PLEKHM2: variants seen among roughly 807,000 people sequenced by gnomAD.
PLEKHM2 encodes pleckstrin homology domain-containing family M member 2.
A neutral mutation model predicts 116.3 loss-of-function variants in PLEKHM2; 77 were observed. The ratio of observed to expected loss-of-function variants is 0.66; its 90% CI spans 0.55 to 0.80. The LOEUF (loss-of-function observed/expected upper bound fraction) is 0.80, where lower values mean the gene tolerates loss of function less well. PLEKHM2 is among the 30% of genes least tolerant of loss of function. The pLI is 0.00. For missense variants in PLEKHM2, 1,183 were observed against 1,354.9 expected (o/e 0.87, Z 1.99); for synonymous variants, 562 against 571.0 (o/e 0.98, Z 0.22).
chr1:15,706,218 A>G (rs940937434), intron 1 of PLEKHM2, among the ~76,000 whole-genome samples: 2 of 152,146 alleles, frequency 1.3e-5, no homozygotes, highest in African/African-American at 4.8e-5. Flanking sequence ...GTGGCTGTGC[A>G]TGATCCGGCC....
chr1:15,729,237 C>T lies in PLEKHM2; in HGVS notation c.2075+47C>T, dbSNP rs6429772. ...CTGGAAGGATTGGAGAGTTCGCAGC[C>T]GCCCATAGGTGTGGGTGGCCTGGGG... On this transcript the variant is annotated intron_variant, in intron 13 of 19. Transcript: ENST00000375799. This position sits in a 1 kb window ranked among gnomAD's most constrained non-coding sequence, Gnocchi z 4.7. The T allele has an allele frequency of 0.24, 364,966 of 1,519,392 alleles. 51,749 individuals are homozygous for T. The highest frequency in any genetic ancestry group is 0.66 in the African/African-American group (47,928 of 72,752). 94.1% of individuals were successfully genotyped at this position (1,519,392 alleles called of 1,614,324 possible). A position where few individuals can be genotyped will look rare whatever the true frequency, so the allele number is the denominator to read the frequency against.
intron 1 of PLEKHM2, among the ~76,000 whole-genome samples, chr1:15,700,741 C>T (rs1641092708): frequency 6.6e-6 from 1 of 152,204 alleles, no homozygotes; most frequent in Non-Finnish European, 1.5e-5. Context: ...CAGCACCCAG[C>T]CTTGTCTTAG....
At position 15,727,611 on chromosome 1, in the gene PLEKHM2, G is replaced by A. The variant is rs768469775; in HGVS notation, c.1539G>A (p.Thr513=). The A allele has an allele frequency of 6.3e-7, 1 of 1,585,518 alleles. No homozygotes were observed. The highest frequency in any genetic ancestry group is 1.1e-5 in the South Asian group (1 of 87,066). The change falls in exon 9 of 20, where the codon ACG becomes ACA. Residue 513 remains threonine (T), a synonymous_variant. Coordinates refer to ENST00000375799, the MANE Select transcript of PLEKHM2 (RefSeq NM_015164.4). This position sits in a 1 kb window ranked among gnomAD's most constrained non-coding sequence, Gnocchi z 7.5. ...EEEGGGGEGQ[T]PRPLEDTTRE... is the part of the protein sequence containing the mutation. ...AGGGAGGAGGAGGAGAGGGACAGAC[G>A]CCTCGGCCCCTAGAGGATACCACGA... is the stretch of plus-strand genomic sequence containing the variant.
rs764517535 is a variant in PLEKHM2, at chr1:15,731,880, C to G, written c.2466-9C>G. 2.9e-5 allele frequency: 46 copies of G among 1,608,598 alleles called. No individual in the cohort carries two copies. The highest frequency in any genetic ancestry group is 3.6e-5 in the Non-Finnish European group (42 of 1,177,784). ...CTCGCTCCCGTTTCACCCTCCTCCT[C>G]TGGCCCAGGGGGGAGCAGTGCGGTG... is the stretch of plus-strand genomic sequence containing the variant. On this transcript the variant is annotated splice_polypyrimidine_tract_variant and intron_variant, in intron 16 of 19. Transcript: ENST00000375799.
chr1:15,684,082 C>T (rs1571009749), upstream of PLEKHM2, among the ~76,000 whole-genome samples: 1 of 127,932 alleles, frequency 7.8e-6, no homozygotes, highest in African/African-American at 3.0e-5. Flanking sequence ...TCTGAGGAGC[C>T]CCGAGGTCCC....
In PLEKHM2 at chr1:15,719,689, G is replaced by A; in HGVS notation, c.466-45G>A. ...ATCCTGCTGTCTGCAGAAGGCCGCT[G>A]CACGAGGCCTCCCACCAAACGGGCC... On this transcript the variant is annotated intron_variant, in intron 5 of 19. Transcript: ENST00000375799. The surrounding 1 kb of genome is among the most constrained non-coding windows in gnomAD (Gnocchi z 4.1). 1 of 1,407,644 alleles carries A rather than the reference G, an allele frequency of 7.1e-7. No individual in the cohort carries two copies. Among genetic ancestry groups the A allele is most frequent in the African/African-American group, 1.4e-5 (1 of 71,028 alleles). The allele number at this position is 1,407,644 out of a possible 1,614,324, so 87.2% of individuals were successfully genotyped here.
Position 15,730,704 on chromosome 1 carries a change from C to T in PLEKHM2, c.2381C>T (p.Thr794Met), listed in dbSNP as rs1038194908. ...TSYLGKEHWK[T>M]CFVVLSNGIL... Reference sequence around the variant, plus strand: ...TACCTGGGCAAGGAACACTGGAAGACGTGCTTCGTGGTGCTCAGGTGGGAG... The same window carrying T: ...TACCTGGGCAAGGAACACTGGAAGATGTGCTTCGTGGTGCTCAGGTGGGAG... The change falls in exon 15 of 20, where the codon ACG (threonine) becomes ATG (methionine). Residue 794 changes from threonine to methionine, a missense_variant. This residue lies in a region of PLEKHM2 where 594 missense variants were observed against 720.1 expected (regional missense o/e 0.82). Transcript: ENST00000375799. 10 of 1,602,272 alleles carry T rather than the reference C, an allele frequency of 6.2e-6. No individual in the cohort carries two copies. The highest frequency in any genetic ancestry group is 1.6e-4 in the Middle Eastern group (1 of 6,070).
At chr1:15,705,607 T>C (rs530472704) in intron 1 of PLEKHM2, among the ~76,000 whole-genome samples, 2 of 152,274 alleles carry the variant, frequency 1.3e-5, no homozygotes, top group African/African-American at 4.8e-5. Context: ...TCCTTTTCCC[T>C]CATGCCCCAC....
Position 15,721,460 on chromosome 1 carries a change from C to A in PLEKHM2, c.712+72C>A. ...TCCATGCCAAGCTTGCTGCATGTATCAAATCAGCTCCTTATTATTTATAAT... is the reference window on the plus strand; with the variant it reads ...TCCATGCCAAGCTTGCTGCATGTATAAAATCAGCTCCTTATTATTTATAAT... On this transcript the variant is annotated intron_variant, in intron 7 of 19. Transcript: ENST00000375799. This position sits in a 1 kb window ranked among gnomAD's most constrained non-coding sequence, Gnocchi z 5.1. 1 of 840,420 alleles carries A rather than the reference C, an allele frequency of 1.2e-6. No homozygotes were observed. Among genetic ancestry groups the A allele is most frequent in the Non-Finnish European group, 1.9e-6 (1 of 514,728 alleles). The allele number at this position is 840,420 out of a possible 1,614,324, so 52.1% of individuals were successfully genotyped here.
chr1:15,719,934 G>A lies in PLEKHM2; in HGVS notation c.652+14G>A. On this transcript the variant is annotated intron_variant, in intron 6 of 19. Transcript: ENST00000375799. The surrounding 1 kb of genome is among the most constrained non-coding windows in gnomAD (Gnocchi z 4.1). ...CATCTAGTGAGGGTGAGTGGCCCCAGGGCAGAAAAGCTAAGCCCCTGTTGT... is the reference window on the plus strand; with the variant it reads ...CATCTAGTGAGGGTGAGTGGCCCCAAGGCAGAAAAGCTAAGCCCCTGTTGT... 6.2e-7 allele frequency: 1 copy of A among 1,603,980 alleles called. No individual in the cohort carries two copies. The highest frequency in any genetic ancestry group is 1.1e-5 in the South Asian group (1 of 89,736).
rs372809217 is a variant in PLEKHM2 at position 15,724,255 on chromosome 1, C to T, written c.713-1062C>T. Among the ~76,000 whole-genome samples, 301 of 152,264 alleles carry T rather than the reference C, an allele frequency of 2.0e-3. 2 individuals carry two copies. Among genetic ancestry groups the T allele is most frequent in the African/African-American group, 6.8e-3 (282 of 41,570 alleles). The stretch of plus-strand genomic sequence containing the variant: ...ATCCCAGCATTTTGGGAGGCCGAGG[C>T]GGGCAGATCACGAGGTCAGGAGATC... On this transcript the variant is annotated intron_variant, in intron 7 of 19. Coordinates refer to ENST00000375799, the MANE Select transcript of PLEKHM2 (RefSeq NM_015164.4).
intron 1 of PLEKHM2, among the ~76,000 whole-genome samples, chr1:15,698,508 A>T (rs1052044691): frequency 6.7e-6 from 1 of 149,208 alleles, no homozygotes; most frequent in South Asian, 2.1e-4. Context: ...CCCAGCCAAC[A>T]GCATTTTTGT....
In PLEKHM2 at chr1:15,729,478, G is replaced by A. The variant is rs891036711; in HGVS notation, c.2075+288G>A. Among the ~76,000 whole-genome samples the A allele has an allele frequency of 6.6e-6, 1 of 152,152 alleles. No homozygotes were observed. The highest frequency in any genetic ancestry group is 2.1e-4 in the South Asian group (1 of 4,834). ...AGAGAGCCATGCTGCTGGGCCAGGC[G>A]TGCCCTTGAACGCCTGCATCCTTGT... On this transcript the variant is annotated intron_variant, in intron 13 of 19. Coordinates refer to ENST00000375799, the MANE Select transcript of PLEKHM2 (RefSeq NM_015164.4). The surrounding 1 kb of genome is among the most constrained non-coding windows in gnomAD (Gnocchi z 4.7).
chr1:15,718,694 G>T, intron 5 of PLEKHM2, 69 bp downstream of exon 5: 1 of 739,214 alleles, frequency 1.4e-6, no homozygotes, highest in East Asian at 2.8e-5. Flanking sequence ...AGGGTGGGCG[G>T]TGGCTTCATT....
rs189016221 is a variant in PLEKHM2 at position 15,687,335 on chromosome 1, G to A, written c.60+2717G>A. 3.3e-3 allele frequency among the ~76,000 whole-genome samples: 496 copies of A among 151,686 alleles called. 4 individuals carry two copies. Among genetic ancestry groups the A allele is most frequent in the Non-Finnish European group, 5.1e-3 (344 of 67,946 alleles). ...GTTACAGGCGCCCGCCACTATGCCC[G>A]GCTAATTTTTTTGTATTTTTAGTAG... On this transcript the variant is annotated intron_variant, in intron 1 of 19. Coordinates refer to ENST00000375799, the MANE Select transcript of PLEKHM2 (RefSeq NM_015164.4).
In PLEKHM2 at chr1:15,727,014, G is replaced by A; in HGVS notation, c.942G>A (p.Arg314=). The A allele has an allele frequency of 1.4e-6, 2 of 1,469,130 alleles. No homozygotes were observed. The highest frequency in any genetic ancestry group is 1.8e-6 in the Non-Finnish European group (2 of 1,109,082). The allele number at this position is 1,469,130 out of a possible 1,614,324, so 91.0% of individuals were successfully genotyped here. ...PDACTELEVI[R]VTKKKKIGKK... ...ACTCTCCCCGTCGTTACTGTCCCAG[G>A]GTCACCAAGAAGAAGAAAATTGGCA... Residue 314 remains arginine, a splice_region_variant and synonymous_variant, in exon 9 of 20, where the codon AGG becomes AGA. Coordinates refer to ENST00000375799, the MANE Select transcript of PLEKHM2 (RefSeq NM_015164.4). This position sits in a 1 kb window ranked among gnomAD's most constrained non-coding sequence, Gnocchi z 7.5.
At chr1:15,693,042 C>CT (rs922212762) in intron 1 of PLEKHM2, among the ~76,000 whole-genome samples, 3,242 of 126,912 alleles carry the variant, frequency 0.026, 120 homozygotes, top group African/African-American at 0.078. Flanking sequence ...CCTAGCCACA[C>CT]TTTTTTTTTT....
rs528186010 is a variant in PLEKHM2 at position 15,718,678 on chromosome 1, G to C, written c.465+53G>C. The C allele has an allele frequency of 3.4e-6, 3 of 894,324 alleles. No homozygotes were observed. The Admixed American group carries it at 6.0e-5, about 18-fold the overall frequency. The allele number at this position is 894,324 out of a possible 1,614,324, so 55.4% of individuals were successfully genotyped here. On this transcript the variant is annotated intron_variant, in intron 5 of 19. Coordinates refer to ENST00000375799, the MANE Select transcript of PLEKHM2 (RefSeq NM_015164.4). ...TGGGAAGCAGAGGAGGGGGCAGGGTGGGGGCAGGGTGGGCGGTGGCTTCAT... is the reference window on the plus strand; with the variant it reads ...TGGGAAGCAGAGGAGGGGGCAGGGTCGGGGCAGGGTGGGCGGTGGCTTCAT...
chr1:15,688,641 C>T (rs998207908), intron 1 of PLEKHM2, among the ~76,000 whole-genome samples: 1 of 132,276 alleles, frequency 7.6e-6, no homozygotes, highest in Admixed American at 7.5e-5. Context: ...CAGAGGGAGA[C>T]TCTGTCTCAA....
Sources: gnomAD v4.1 joint callset for allele counts (sites outside exome capture counted in the v4.1 genomes callset) on GRCh38, gnomAD v4.1.1 for gene constraint, gnomAD v4.1.1 regional missense constraint, Gnocchi (gnomAD v3.1) non-coding constraint, MANE v1.5 for transcripts, NCBI Gene and HGNC (gene_info 2026-07-23, HGNC 2026-07-21) for gene names.